The following SLC5A3 variants were observed in gnomAD, a reference collection of about 807,000 sequenced individuals.
SLC5A3 encodes solute carrier family 5 member 3.
Under a neutral mutation model 43.2 loss-of-function variants are expected in SLC5A3, and 10 were observed. The ratio of observed to expected loss-of-function variants is 0.23; its 90% CI spans 0.14 to 0.39. SLC5A3 has a LOEUF of 0.39. SLC5A3 is among the 10% of genes least tolerant of loss of function. The probability of loss-of-function intolerance (pLI) is 1.00; values close to 1 mark genes in which losing one functional copy is unlikely to be tolerated. For synonymous variants in SLC5A3, 349 were observed against 322.0 expected (o/e 1.08, Z -0.90); for missense variants, 608 against 893.4 (o/e 0.68, Z 4.07).
At position 34,095,553 on chromosome 21, in the gene SLC5A3, G is replaced by T. The variant is rs1328699940; in HGVS notation, c.355G>T (p.Gly119Cys). The T allele has an allele frequency of 6.2e-7, 1 of 1,613,752 alleles. No homozygotes were observed. The highest frequency in any genetic ancestry group is 8.5e-7 in the Non-Finnish European group (1 of 1,179,924). ...MPEYLSKRFGGHRIQVYFAAL... is the reference protein window; with the variant it reads ...MPEYLSKRFGCHRIQVYFAAL... ...TGAATACTTGTCCAAGCGATTTGGTGGCCATAGGATTCAGGTCTATTTTGC... is the reference window on the plus strand; with the variant it reads ...TGAATACTTGTCCAAGCGATTTGGTTGCCATAGGATTCAGGTCTATTTTGC... Residue 119 changes from glycine (G) to cysteine (C), a missense_variant, in exon 2 of 2, where the codon GGC becomes TGC. Coordinates refer to ENST00000381151, the MANE Select transcript of SLC5A3 (RefSeq NM_006933.7).
chr21:34,101,893 T>A lies in SLC5A3; in HGVS notation c.*4538T>A. Reference sequence around the variant, plus strand: ...AAAATTAGGGAGAGAGCAGTAGTGATCATTTATGTGAGCCCCTTTGAAATG... The same window carrying A: ...AAAATTAGGGAGAGAGCAGTAGTGAACATTTATGTGAGCCCCTTTGAAATG... On this transcript the variant is annotated 3_prime_UTR_variant, in exon 2 of 2. Transcript: ENST00000381151. The A allele has an allele frequency of 1.0e-6, 1 of 1,000,224 alleles. No homozygotes were observed. Among genetic ancestry groups the A allele is most frequent in the Non-Finnish European group, 1.2e-6 (1 of 829,972 alleles). 62.0% of individuals were successfully genotyped at this position (1,000,224 alleles called of 1,614,324 possible).
rs1200672366 is a variant in SLC5A3, at chr21:34,096,975, G to A, written c.1777G>A (p.Asp593Asn). ...NHIIPNGKSE[D>N]SIKGLQPEDV... ...CATCATTCCCAACGGGAAATCTGAA[G>A]ACAGCATTAAGGGCCTTCAGCCTGA... Residue 593 changes from aspartate (D) to asparagine (N), a missense_variant, in exon 2 of 2, where the codon GAC becomes AAC. By Grantham distance (23) the Asp-to-Asn change is conservative. Transcript: ENST00000381151. The surrounding 1 kb of genome is among the most constrained non-coding windows in gnomAD (Gnocchi z 5.9). The A allele has an allele frequency of 1.1e-5, 18 of 1,614,026 alleles. No homozygotes were observed. Among genetic ancestry groups the A allele is most frequent in the Non-Finnish European group, 1.4e-5 (17 of 1,180,006 alleles).
Position 34,105,488 on chromosome 21 carries a change from G to A in SLC5A3, c.*8133G>A. 1 of 999,820 alleles carries A rather than the reference G, an allele frequency of 1.0e-6. No homozygotes were observed. The highest frequency in any genetic ancestry group is 1.2e-6 in the Non-Finnish European group (1 of 829,720). 61.9% of individuals were successfully genotyped at this position (999,820 alleles called of 1,614,324 possible). ...TGCTTTTATCTAGTAATTTTGATAT[G>A]TAAGTATTAATGCATTTTTAAAAGA... is the stretch of plus-strand genomic sequence containing the variant. On this transcript the variant is annotated 3_prime_UTR_variant, in exon 2 of 2. Coordinates refer to ENST00000381151, the MANE Select transcript of SLC5A3 (RefSeq NM_006933.7).
chr21:34,097,760 G>C lies in SLC5A3; in HGVS notation c.*405G>C. 11 of 1,003,622 alleles carry C rather than the reference G, an allele frequency of 1.1e-5. No homozygotes were observed. Among genetic ancestry groups the C allele is most frequent in the Non-Finnish European group, 1.3e-5 (11 of 832,168 alleles). 62.2% of individuals were successfully genotyped at this position (1,003,622 alleles called of 1,614,324 possible). A position where few individuals can be genotyped will look rare whatever the true frequency, so the allele number is the denominator to read the frequency against. On this transcript the variant is annotated 3_prime_UTR_variant, in exon 2 of 2. Coordinates refer to ENST00000381151, the MANE Select transcript of SLC5A3 (RefSeq NM_006933.7). Reference sequence around the variant, plus strand: ...TTTCTAAATTTTTTTTTCTGTCTCTGTAATCCCTCCTACCATTAAGAAAAA... The same window carrying C: ...TTTCTAAATTTTTTTTTCTGTCTCTCTAATCCCTCCTACCATTAAGAAAAA...
In SLC5A3 at chr21:34,098,922, G is replaced by GAT. The variant is rs1396302767; in HGVS notation, c.*1568_*1569dup. 1 of 990,316 alleles carries GAT rather than the reference G, an allele frequency of 1.0e-6. No homozygotes were observed. The highest frequency in any genetic ancestry group is 6.2e-5 in the Admixed American group (1 of 16,238). 61.3% of individuals were successfully genotyped at this position (990,316 alleles called of 1,614,324 possible). ...ATCTCTGATACTTTTTAGATTGCATGATTTTACTAGGCTTGTATTTAGGGA... is the reference window on the plus strand; with the variant it reads ...ATCTCTGATACTTTTTAGATTGCATGATATTTTACTAGGCTTGTATTTAGGGA... On this transcript the variant is annotated 3_prime_UTR_variant, in exon 2 of 2. Transcript: ENST00000381151.
In SLC5A3 at chr21:34,096,755, T is replaced by C. The variant is rs375427676; in HGVS notation, c.1557T>C (p.Phe519=). 4.2e-5 allele frequency: 67 copies of C among 1,614,014 alleles called. No homozygotes were observed. The African/African-American group carries it at 6.0e-4, about 14-fold the overall frequency. ...ATATGTATGTGGCCACAGGATTGTT[T>C]TGGGTCACGGGACTCATTACTGTAA... ...IHYMYVATGL[F]WVTGLITVIV... Residue 519 remains phenylalanine (F), a synonymous_variant, in exon 2 of 2, where the codon TTT becomes TTC. Transcript: ENST00000381151. The surrounding 1 kb of genome is among the most constrained non-coding windows in gnomAD (Gnocchi z 5.9).
At chr21:34,076,955 G>A (rs138623682) in intron 1 of SLC5A3, among the ~76,000 whole-genome samples, 3 of 152,360 alleles carry the variant, frequency 2.0e-5, no homozygotes, top group East Asian at 3.8e-4. Context: ...GACCAAGGCT[G>A]CAGTCCCAGG....
chr21:34,096,599 A>T lies in SLC5A3; in HGVS notation c.1401A>T (p.Glu467Asp), dbSNP rs763361171. ...LLAIFWKRCN[E>D]QGAFYGGMAG... ...CAATTTTCTGGAAGCGCTGCAATGA[A>T]CAAGGGGCTTTCTATGGTGGAATGG... The change falls in exon 2 of 2, where the codon GAA (glutamate) becomes GAT (aspartate). Residue 467 changes from glutamate to aspartate, a missense_variant. This residue lies in a region of SLC5A3 where 398 missense variants were observed against 668.6 expected (regional missense o/e 0.60). Coordinates refer to ENST00000381151, the MANE Select transcript of SLC5A3 (RefSeq NM_006933.7). The surrounding 1 kb of genome is among the most constrained non-coding windows in gnomAD (Gnocchi z 5.9). The T allele has an allele frequency of 6.2e-7, 1 of 1,613,996 alleles. No individual in the cohort carries two copies. Among genetic ancestry groups the T allele is most frequent in the East Asian group, 2.2e-5 (1 of 44,886 alleles).
chr21:34,103,981 T>TA lies in SLC5A3; in HGVS notation c.*6632dup, dbSNP rs1294404912. The TA allele has an allele frequency of 4.0e-6, 4 of 1,000,018 alleles. No individual in the cohort carries two copies. The highest frequency in any genetic ancestry group is 4.7e-5 in the South Asian group (1 of 21,288). The allele number at this position is 1,000,018 out of a possible 1,614,324, so 61.9% of individuals were successfully genotyped here. ...GCTGTAGTGTGATTGGGGTTTTTTGTAAAAAATCTTAAATCTTTTAGGAAA... is the reference window on the plus strand; with the variant it reads ...GCTGTAGTGTGATTGGGGTTTTTTGTAAAAAAATCTTAAATCTTTTAGGAAA... On this transcript the variant is annotated 3_prime_UTR_variant, in exon 2 of 2. Coordinates refer to ENST00000381151, the MANE Select transcript of SLC5A3 (RefSeq NM_006933.7).
chr21:34,079,220 T>A (rs1202858082), intron 1 of SLC5A3, among the ~76,000 whole-genome samples: 1 of 152,220 alleles, frequency 6.6e-6, no homozygotes, highest in Non-Finnish European at 1.5e-5. Context: ...TTATGGCACT[T>A]GAATTTCATA....
chr21:34,096,579 T>C lies in SLC5A3; in HGVS notation c.1381T>C (p.Phe461Leu). The change falls in exon 2 of 2, where the codon TTC (phenylalanine) becomes CTC (leucine). Residue 461 changes from phenylalanine (F) to leucine (L), a missense_variant. Around this residue, in one of 2 missense-constraint regions of SLC5A3, gnomAD observed 398 missense variants for 668.6 expected, o/e 0.60. Coordinates refer to ENST00000381151, the MANE Select transcript of SLC5A3 (RefSeq NM_006933.7). This position sits in a 1 kb window ranked among gnomAD's most constrained non-coding sequence, Gnocchi z 5.9. ...PVAALFLLAIFWKRCNEQGAF... is the reference protein window; with the variant it reads ...PVAALFLLAILWKRCNEQGAF... Reference sequence around the variant, plus strand: ...GGCAGCCTTGTTCCTGCTGGCAATTTTCTGGAAGCGCTGCAATGAACAAGG... The same window carrying C: ...GGCAGCCTTGTTCCTGCTGGCAATTCTCTGGAAGCGCTGCAATGAACAAGG... 1 of 1,614,080 alleles carries C rather than the reference T, an allele frequency of 6.2e-7. No homozygotes were observed. The highest frequency in any genetic ancestry group is 1.1e-5 in the South Asian group (1 of 91,086).
In SLC5A3 at chr21:34,099,293, G is replaced by A. The variant is rs1979122405; in HGVS notation, c.*1938G>A. On this transcript the variant is annotated 3_prime_UTR_variant, in exon 2 of 2. Transcript: ENST00000381151. ...AAGTTGAGGCTGCGACATGTCCAAG[G>A]TTATGAAGTCTCTTTTGGGAAGAAC... 25 of 1,000,098 alleles carry A rather than the reference G, an allele frequency of 2.5e-5. No homozygotes were observed. Among genetic ancestry groups the A allele is most frequent in the Non-Finnish European group, 2.9e-5 (24 of 829,980 alleles). 62.0% of individuals were successfully genotyped at this position (1,000,098 alleles called of 1,614,324 possible).
intron 1 of SLC5A3, among the ~76,000 whole-genome samples, chr21:34,090,188 G>A (rs2148657201): frequency 6.6e-6 from 1 of 152,316 alleles, no homozygotes; most frequent in South Asian, 2.1e-4. Context: ...CTGGAGTTCA[G>A]GCCAGTTATA....
chr21:34,081,753 C>T (rs976258589), intron 1 of SLC5A3, among the ~76,000 whole-genome samples: 2 of 152,118 alleles, frequency 1.3e-5, no homozygotes, highest in African/African-American at 4.8e-5. Context: ...ATTAAAGTAG[C>T]TTTGTGGTCT....
intron 1 of SLC5A3, among the ~76,000 whole-genome samples, chr21:34,087,599 G>A (rs1978460098): frequency 6.6e-6 from 1 of 152,200 alleles, no homozygotes; most frequent in African/African-American, 2.4e-5. Context: ...GATGGTCAGG[G>A]AAGTTACTTT....
intron 1 of SLC5A3, among the ~76,000 whole-genome samples, chr21:34,083,250 C>G (rs1443176717): frequency 6.6e-6 from 1 of 152,190 alleles, no homozygotes; most frequent in Non-Finnish European, 1.5e-5. Flanking sequence ...GTTGTGGTTG[C>G]ATTTCAGCTG....
chr21:34,099,325 C>T lies in SLC5A3; in HGVS notation c.*1970C>T. ...AGTCTCTTTTGGGAAGAACAGAAAC[C>T]AGGTCTCCAAATCTGGACTCATGGT... On this transcript the variant is annotated 3_prime_UTR_variant, in exon 2 of 2. Transcript: ENST00000381151. 4 of 1,000,162 alleles carry T rather than the reference C, an allele frequency of 4.0e-6. No homozygotes were observed. Among genetic ancestry groups the T allele is most frequent in the Non-Finnish European group, 4.8e-6 (4 of 829,974 alleles). The allele number at this position is 1,000,162 out of a possible 1,614,324, so 62.0% of individuals were successfully genotyped here.
chr21:34,074,347 CT>C (rs1042595595), intron 1 of SLC5A3, among the ~76,000 whole-genome samples: 2 of 152,232 alleles, frequency 1.3e-5, no homozygotes, highest in African/African-American at 4.8e-5. Flanking sequence ...AATCTTTTGA[CT>C]TTTCTTTTTC....
chr21:34,088,145 T>C (rs1978490321), intron 1 of SLC5A3, among the ~76,000 whole-genome samples: 1 of 152,266 alleles, frequency 6.6e-6, no homozygotes, highest in Non-Finnish European at 1.5e-5. Context: ...GTACAGCTAA[T>C]TCCTTTAACT....
Sources: gnomAD v4.1 joint callset for allele counts (sites outside exome capture counted in the v4.1 genomes callset) on GRCh38, gnomAD v4.1.1 for gene constraint, gnomAD v4.1.1 regional missense constraint, Gnocchi (gnomAD v3.1) non-coding constraint, MANE v1.5 for transcripts, NCBI Gene and HGNC (gene_info 2026-07-23, HGNC 2026-07-21) for gene names.